The following ADORA2B variants were observed in gnomAD, a reference collection of about 807,000 sequenced individuals.
The protein encoded by ADORA2B is adenosine receptor A2b.
A neutral mutation model predicts 20.8 loss-of-function variants in ADORA2B; 18 were observed. That is an observed-to-expected ratio of 0.87 (90% CI 0.60 to 1.29). ADORA2B has a LOEUF of 1.29. Among genes scored for constraint, ADORA2B ranks in the 50% most tolerant of loss-of-function variants. The probability of loss-of-function intolerance (pLI) is 0.00; values close to 1 mark genes in which losing one functional copy is unlikely to be tolerated. For missense variants in ADORA2B, 441 were observed against 422.7 expected (o/e 1.04, Z -0.38); for synonymous variants, 179 against 178.3 (o/e 1.00, Z -0.03).
At chr17:15,909,001 A>G in the ADORA2B span, among the ~76,000 whole-genome samples, 2 of 151,872 alleles carry the variant, frequency 1.3e-5, no homozygotes, top group Non-Finnish European at 2.9e-5. Flanking sequence ...TTTTTTTGCT[A>G]AAAAATACCC....
chr17:15,935,208 TCA>T, the ADORA2B span, among the ~76,000 whole-genome samples: 1 of 152,242 alleles, frequency 6.6e-6, no homozygotes, highest in Non-Finnish European at 1.5e-5. Flanking sequence ...TAGTGTGCTT[TCA>T]TTTCAGCCTG....
chr17:15,948,407 G>GGGGGGGGGGGGGGGGGCC (rs56222691), intron 1 of ADORA2B, among the ~76,000 whole-genome samples: 3 of 33,684 alleles, frequency 8.9e-5, no homozygotes, highest in Admixed American at 2.9e-4. Flanking sequence ...GCGGCGGGGG[G>GGGGGGGGGGGGGGGGGCC]CTCCAGTCCC....
the ADORA2B span, among the ~76,000 whole-genome samples, chr17:15,928,673 T>A: frequency 6.6e-6 from 1 of 152,142 alleles, no homozygotes; most frequent in South Asian, 2.1e-4. Flanking sequence ...GTCTCAGCCT[T>A]GGCCAGGACT....
chr17:15,874,095 T>TATACAC, the ADORA2B span, among the ~76,000 whole-genome samples: 1 of 145,892 alleles, frequency 6.9e-6, no homozygotes, highest in African/African-American at 2.7e-5. Context: ...TATATATGTA[T>TATACAC]ACACACACAC....
chr17:15,912,268 T>A, the ADORA2B span, among the ~76,000 whole-genome samples: 10 of 149,226 alleles, frequency 6.7e-5, no homozygotes, highest in Admixed American at 6.7e-4. Context: ...TAGTCCTAGC[T>A]ACTTGGGAGG....
intron 1 of ADORA2B, among the ~76,000 whole-genome samples, chr17:15,946,941 G>A (rs1052119081): frequency 2.0e-5 from 3 of 152,212 alleles, no homozygotes; most frequent in African/African-American, 7.2e-5. Context: ...TGGGAATGGA[G>A]CCGGAGAATG....
chr17:15,941,714 TGA>T (rs767426673), upstream of ADORA2B, among the ~76,000 whole-genome samples: 21 of 138,200 alleles, frequency 1.5e-4, no homozygotes, highest in Non-Finnish European at 2.8e-4. Flanking sequence ...AGTGACAGAG[TGA>T]GACTCTTGTT....
At chr17:15,877,492 A>G in the ADORA2B span, among the ~76,000 whole-genome samples, 6 of 151,964 alleles carry the variant, frequency 3.9e-5, 1 homozygote, top group Admixed American at 3.3e-4. Flanking sequence ...GGGCTCATCC[A>G]TTCCCCAGAG....
chr17:15,971,267 T>C (rs1970185698), intron 1 of ADORA2B, among the ~76,000 whole-genome samples: 1 of 152,264 alleles, frequency 6.6e-6, no homozygotes, highest in Non-Finnish European at 1.5e-5. Context: ...CTAATTGTGT[T>C]ATTCACATCT....
chr17:15,955,352 C>T (rs939614024), intron 1 of ADORA2B, among the ~76,000 whole-genome samples: 1 of 151,914 alleles, frequency 6.6e-6, no homozygotes, highest in Admixed American at 6.6e-5. Flanking sequence ...TAATTAATTC[C>T]TTATCTCCAT....
rs935312059 is a variant in ADORA2B, at chr17:15,974,536, T to C, written c.336-143T>C. The C allele has an allele frequency of 7.5e-6, 5 of 664,160 alleles. No individual in the cohort carries two copies. The African/African-American group carries it at 9.0e-5, about 12-fold the overall frequency. 41.1% of individuals were successfully genotyped at this position (664,160 alleles called of 1,614,324 possible). A position where few individuals can be genotyped will look rare whatever the true frequency, so the allele number is the denominator to read the frequency against. ...CTCATCCCTGCTTGCATGTCTTTAGTATTGAGGGTAAAGGCCTTAGTGCCC... is the reference window on the plus strand; with the variant it reads ...CTCATCCCTGCTTGCATGTCTTTAGCATTGAGGGTAAAGGCCTTAGTGCCC... On this transcript the variant is annotated intron_variant, in intron 1 of 1. Transcript: ENST00000304222.
At chr17:15,947,648 C>G (rs1969826353) in intron 1 of ADORA2B, among the ~76,000 whole-genome samples, 2 of 152,240 alleles carry the variant, frequency 1.3e-5, no homozygotes. Context: ...GACCTGGCCA[C>G]AGCACCACCC....
rs142739933 is a variant in ADORA2B at position 15,945,376 on chromosome 17, A to C, written c.128A>C (p.Asn43Thr). 1.3e-4 allele frequency: 216 copies of C among 1,612,700 alleles called. No homozygotes were observed. The highest frequency in any genetic ancestry group is 8.3e-5 in the Admixed American group (5 of 60,020). ...GTANTLQTPTNYFLVSLAAAD... is the reference protein window; with the variant it reads ...GTANTLQTPTTYFLVSLAAAD... ...GCGAACACTCTGCAGACGCCCACCA[A>C]CTACTTCCTGGTGTCCCTGGCTGCG... Residue 43 changes from asparagine (N) to threonine (T), a missense_variant, in exon 1 of 2, where the codon AAC (asparagine) becomes ACC (threonine). Asn to Thr is a moderately conservative substitution (Grantham distance 65). Coordinates refer to ENST00000304222, the MANE Select transcript of ADORA2B (RefSeq NM_000676.4).
upstream of ADORA2B, among the ~76,000 whole-genome samples, chr17:15,942,499 T>G (rs780190508): frequency 3.9e-4 from 60 of 152,158 alleles, no homozygotes; most frequent in Non-Finnish European, 7.3e-4. Flanking sequence ...TATTTCCCTA[T>G]AGCAATGTAA....
the ADORA2B span, among the ~76,000 whole-genome samples, chr17:15,888,306 C>T: frequency 3.1e-5 from 4 of 129,568 alleles, 1 homozygote; most frequent in Admixed American, 7.6e-5. Context: ...CCTTGGTCAC[C>T]AGCCCTCATG....
the ADORA2B span, among the ~76,000 whole-genome samples, chr17:15,887,228 G>A: frequency 7.7e-6 from 1 of 130,110 alleles, no homozygotes; most frequent in Non-Finnish European, 1.6e-5. Flanking sequence ...GAGGAGTAAA[G>A]GGAAGGGCAC....
the ADORA2B span, among the ~76,000 whole-genome samples, chr17:15,896,773 C>T: frequency 0.014 from 2,148 of 152,310 alleles, 54 homozygotes; most frequent in African/African-American, 0.049. Context: ...ACATCACTTC[C>T]ACCTGCAGGG....
chr17:15,933,156 C>T, the ADORA2B span, among the ~76,000 whole-genome samples: 2 of 152,044 alleles, frequency 1.3e-5, no homozygotes, highest in Non-Finnish European at 2.9e-5. Flanking sequence ...GGGGTTTCAC[C>T]GTGTTAGCTG....
chr17:15,960,711 A>C (rs1970024199), intron 1 of ADORA2B, among the ~76,000 whole-genome samples: 1 of 151,224 alleles, frequency 6.6e-6, no homozygotes, highest in South Asian at 2.1e-4. Context: ...CTCTACTAAA[A>C]ACACACACAA....
Sources: gnomAD v4.1 joint callset for allele counts (sites outside exome capture counted in the v4.1 genomes callset) on GRCh38, gnomAD v4.1.1 for gene constraint, MANE v1.5 for transcripts, NCBI Gene and HGNC (gene_info 2026-07-23, HGNC 2026-07-21) for gene names.